The following GALNT7 variants were observed in gnomAD, a reference collection of about 807,000 sequenced individuals.
The protein encoded by GALNT7 is polypeptide N-acetylgalactosaminyltransferase 7, also known as N-acetylgalactosaminyltransferase 7.
In GALNT7, 60 loss-of-function variants were observed where a neutral mutation model predicts 82.1. That is an observed-to-expected ratio of 0.73 (90% CI 0.59 to 0.91). The LOEUF is 0.91. Ranked by LOEUF, GALNT7 falls within the 40% of genes least tolerant of loss-of-function variation. The pLI, the probability that GALNT7 is intolerant of heterozygous loss-of-function variation, is 0.00. For missense variants in GALNT7, 660 were observed against 804.2 expected (o/e 0.82, Z 2.17); for synonymous variants, 243 against 275.1 (o/e 0.88, Z 1.15).
intron 3 of GALNT7, among the ~76,000 whole-genome samples, chr4:173,293,763 C>T (rs1459522023): frequency 3.9e-5 from 6 of 152,204 alleles, no homozygotes; most frequent in African/African-American, 9.6e-5. Flanking sequence ...TCAAACTACA[C>T]GGTCCTTGTG....
At chr4:173,295,575 T>C in intron 4 of GALNT7, 49 bp downstream of exon 4, 1 of 1,545,312 alleles carries the variant, frequency 6.5e-7, no homozygotes. Flanking sequence ...GTTTGGTAAC[T>C]AAATCATACA....
At chr4:173,186,038 G>C (rs1245009056) in intron 1 of GALNT7, among the ~76,000 whole-genome samples, 1 of 152,196 alleles carries the variant, frequency 6.6e-6, no homozygotes, top group Admixed American at 6.5e-5. Flanking sequence ...AAGAAGATAA[G>C]TATGTGCCAC....
intron 1 of GALNT7, among the ~76,000 whole-genome samples, chr4:173,247,504 G>A (rs1265801368): frequency 1.3e-5 from 2 of 151,998 alleles, no homozygotes; most frequent in African/African-American, 4.8e-5. Flanking sequence ...GGGGCACTGA[G>A]CCAGCCTGCT....
intron 1 of GALNT7, among the ~76,000 whole-genome samples, chr4:173,221,626 A>T (rs1232160607): frequency 1.3e-5 from 2 of 152,228 alleles, no homozygotes; most frequent in Non-Finnish European, 2.9e-5. Flanking sequence ...ACATTCCTTA[A>T]TTAACTTAGC....
chr4:173,298,003 A>T (rs1736782589), intron 5 of GALNT7, 112 bp from the exon 6 acceptor site: 1 of 1,520,040 alleles, frequency 6.6e-7, no homozygotes, highest in Non-Finnish European at 8.8e-7. Context: ...TTATTTTCTT[A>T]TGTTGAATGT....
At chr4:173,183,105 T>C (rs188307704) in intron 1 of GALNT7, among the ~76,000 whole-genome samples, 1 of 151,800 alleles carries the variant, frequency 6.6e-6, no homozygotes, top group Admixed American at 6.5e-5. Flanking sequence ...TTTTTCTCTG[T>C]GTACCTGATA....
At chr4:173,196,848 TATAGTGTA>T (rs1331174298) in intron 1 of GALNT7, among the ~76,000 whole-genome samples, 1 of 152,204 alleles carries the variant, frequency 6.6e-6, no homozygotes, top group Non-Finnish European at 1.5e-5. Flanking sequence ...GTTTGATGAC[TATAGTGTA>T]ATAGTGTAAT....
intron 1 of GALNT7, among the ~76,000 whole-genome samples, chr4:173,173,732 ACT>A (rs1265124737): frequency 1.3e-5 from 2 of 151,796 alleles, no homozygotes; most frequent in African/African-American, 2.4e-5. Flanking sequence ...TAAACTAATG[ACT>A]CTCTGGATAT....
chr4:173,243,507 A>C (rs2126730228), intron 1 of GALNT7, among the ~76,000 whole-genome samples: 1 of 152,346 alleles, frequency 6.6e-6, no homozygotes, highest in East Asian at 1.9e-4. Context: ...AGTGAGTCAC[A>C]GAGGCATCTA....
Position 173,205,751 on chromosome 4 carries a change from C to T in GALNT7, c.126+36790C>T, listed in dbSNP as rs75623068. Among the ~76,000 whole-genome samples, 49 of 152,226 alleles carry T rather than the reference C, an allele frequency of 3.2e-4. 1 individual carries two copies. Among genetic ancestry groups the T allele is most frequent in the African/African-American group, 1.1e-3 (47 of 41,532 alleles). On this transcript the variant is annotated intron_variant, in intron 1 of 11. Transcript: ENST00000265000. The stretch of plus-strand genomic sequence containing the variant: ...TCTGGCCCTGGGATGGTCTGAAACC[C>T]GGGGTGGAACCTGGGGTCATAGAGG...
At position 173,321,725 on chromosome 4, in the gene GALNT7, AAAAT is replaced by A. The variant is rs1164725583; in HGVS notation, c.*12_*15del. 2 of 1,595,380 alleles carry A rather than the reference AAAAT, an allele frequency of 1.3e-6. No homozygotes were observed. The highest frequency in any genetic ancestry group is 3.4e-5 in the Admixed American group (2 of 59,472). ...AACATCCATAGTGTTTAGAGAGAAA[AAAAT>A]AAACCAATAACCTACCTACTGACAA... On this transcript the variant is annotated 3_prime_UTR_variant, in exon 12 of 12. Coordinates refer to ENST00000265000, the MANE Select transcript of GALNT7 (RefSeq NM_017423.3).
At chr4:173,245,215 CAAAA>C (rs57506967) in intron 1 of GALNT7, among the ~76,000 whole-genome samples, 133 of 122,852 alleles carry the variant, frequency 1.1e-3, no homozygotes, top group South Asian at 1.3e-3. Context: ...ACCATTAAGT[CAAAA>C]AAAAAAAAAA....
intron 2 of GALNT7, among the ~76,000 whole-genome samples, chr4:173,264,462 G>T (rs1735404647): frequency 6.6e-6 from 1 of 152,108 alleles, no homozygotes; most frequent in African/African-American, 2.4e-5. Flanking sequence ...CACACAGTAG[G>T]GTTAGATGGG....
chr4:173,315,184 C>T (rs1737547682), intron 9 of GALNT7, among the ~76,000 whole-genome samples: 1 of 152,168 alleles, frequency 6.6e-6, no homozygotes, highest in Admixed American at 6.5e-5. Flanking sequence ...AGCTGACCAA[C>T]TGCGGAAGCA....
intron 1 of GALNT7, among the ~76,000 whole-genome samples, chr4:173,228,726 C>T (rs1733923414): frequency 6.6e-6 from 1 of 151,898 alleles, no homozygotes; most frequent in Admixed American, 6.6e-5. Context: ...ACTTTTTTTC[C>T]CCGCCTAGGA....
At chr4:173,182,837 C>CAT (rs1283054455) in intron 1 of GALNT7, among the ~76,000 whole-genome samples, 9 of 149,210 alleles carry the variant, frequency 6.0e-5, no homozygotes, top group African/African-American at 2.0e-4. Context: ...CACACACACA[C>CAT]ACACACAGCT....
chr4:173,249,946 G>A (rs1317090992), intron 2 of GALNT7, among the ~76,000 whole-genome samples: 2 of 152,186 alleles, frequency 1.3e-5, no homozygotes, highest in Non-Finnish European at 2.9e-5. Flanking sequence ...TTACAGAGGT[G>A]CTTTGCGAAA....
chr4:173,213,040 G>A (rs1305639711), intron 1 of GALNT7, among the ~76,000 whole-genome samples: 2 of 152,094 alleles, frequency 1.3e-5, no homozygotes, highest in Admixed American at 6.5e-5. Flanking sequence ...GCACTGGGAA[G>A]TATGAGTTAC....
intron 2 of GALNT7, among the ~76,000 whole-genome samples, chr4:173,288,654 C>G (rs1736428237): frequency 6.6e-6 from 1 of 151,996 alleles, no homozygotes; most frequent in African/African-American, 2.4e-5. Context: ...TGAGCTTTCA[C>G]GTGGAGGGAA....
Sources: gnomAD v4.1 joint callset for allele counts (sites outside exome capture counted in the v4.1 genomes callset) on GRCh38, gnomAD v4.1.1 for gene constraint, MANE v1.5 for transcripts, NCBI Gene and HGNC (gene_info 2026-07-23, HGNC 2026-07-21) for gene names.